The following C3orf20 variants were observed in gnomAD, a reference collection of about 807,000 sequenced individuals.
C3orf20 encodes the protein family with sequence similarity 149 member C, also known as uncharacterized protein C3orf20.
A neutral mutation model predicts 88.3 loss-of-function variants in C3orf20; 76 were observed. The observed-to-expected ratio is 0.86, with a 90% CI of 0.72 to 1.04. The LOEUF (loss-of-function observed/expected upper bound fraction) is 1.04. Among genes scored for constraint, C3orf20 ranks in the 50% least tolerant of loss-of-function variants. The pLI is 0.00. For synonymous variants in C3orf20, 436 were observed against 437.4 expected (o/e 1.00, Z 0.04); for missense variants, 1,056 against 1,123.3 (o/e 0.94, Z 0.86).
chr3:14,694,696 C>T (rs1457771632), intron 5 of C3orf20, among the ~76,000 whole-genome samples: 1 of 151,968 alleles, frequency 6.6e-6, no homozygotes, highest in Non-Finnish European at 1.5e-5. Context: ...TATTTCTGCT[C>T]TTATCCTTAT....
At chr3:14,755,862 T>G (rs2035347343) in intron 12 of C3orf20, among the ~76,000 whole-genome samples, 1 of 151,806 alleles carries the variant, frequency 6.6e-6, no homozygotes, top group Non-Finnish European at 1.5e-5. Flanking sequence ...ACCCCGTCTC[T>G]ACTAAAAATA....
At chr3:14,686,103 G>A (rs533562802) in intron 4 of C3orf20, among the ~76,000 whole-genome samples, 5 of 152,138 alleles carry the variant, frequency 3.3e-5, no homozygotes, top group East Asian at 1.9e-4. Flanking sequence ...CTTGTGATCC[G>A]TCTGCCTTGG....
intron 3 of C3orf20, among the ~76,000 whole-genome samples, chr3:14,683,721 CA>C (rs1490809130): frequency 6.6e-6 from 1 of 151,832 alleles, no homozygotes; most frequent in Non-Finnish European, 1.5e-5. Context: ...ACTAAAAATA[CA>C]AAAATTAGCC....
rs368283229 is a variant in C3orf20, at chr3:14,683,086, C to T, written c.373C>T (p.Arg125Cys). The change falls in exon 3 of 17, where the codon CGT becomes TGT. Residue 125 changes from arginine to cysteine, a missense_variant. Coordinates refer to ENST00000253697, the MANE Select transcript of C3orf20 (RefSeq NM_032137.5). ...KRSTLSPTMA[R>C]QVRTHQETLN... Reference sequence around the variant, plus strand: ...CTCCACCCTCTCTCCCACCATGGCCCGTCAGGTGCGCACCCACCAGGAGAC... The same window carrying T: ...CTCCACCCTCTCTCCCACCATGGCCTGTCAGGTGCGCACCCACCAGGAGAC... 2.9e-5 allele frequency: 46 copies of T among 1,613,122 alleles called. No individual in the cohort carries two copies. The highest frequency in any genetic ancestry group is 1.7e-4 in the Middle Eastern group (1 of 6,060).
chr3:14,711,097 A>G (rs530374786), intron 7 of C3orf20, among the ~76,000 whole-genome samples: 1 of 152,194 alleles, frequency 6.6e-6, no homozygotes, highest in African/African-American at 2.4e-5. Context: ...GGGTTTCACC[A>G]TGTTGGCCAG....
At chr3:14,734,224 T>C (rs528462936) in intron 12 of C3orf20, among the ~76,000 whole-genome samples, 1 of 152,300 alleles carries the variant, frequency 6.6e-6, no homozygotes, top group South Asian at 2.1e-4. Context: ...TCTTTATTGT[T>C]TCCTTCTGTC....
intron 8 of C3orf20, 106 bp from the exon 9 acceptor site, chr3:14,715,183 T>G: frequency 7.0e-7 from 1 of 1,424,060 alleles, no homozygotes; most frequent in Non-Finnish European, 9.4e-7. Context: ...CCACCACTCC[T>G]CCAGCCTGGG....
At chr3:14,746,710 A>G (rs1217101631) in intron 12 of C3orf20, among the ~76,000 whole-genome samples, 3 of 152,218 alleles carry the variant, frequency 2.0e-5, no homozygotes, top group Admixed American at 1.3e-4. Flanking sequence ...CAAAGAGGCC[A>G]TAAGGAAGGA....
chr3:14,713,258 C>T (rs1244719960), intron 7 of C3orf20, among the ~76,000 whole-genome samples: 1 of 152,300 alleles, frequency 6.6e-6, no homozygotes, highest in African/African-American at 2.4e-5. Flanking sequence ...CCTAATTTCT[C>T]TTGTCTCTCC....
At chr3:14,699,179 A>G (rs1383557404) in intron 5 of C3orf20, among the ~76,000 whole-genome samples, 1 of 152,158 alleles carries the variant, frequency 6.6e-6, no homozygotes, top group African/African-American at 2.4e-5. Context: ...GGACAGGTAT[A>G]GAAATGCCAT....
chr3:14,757,782 G>A (rs938705062), intron 13 of C3orf20, 108 bp downstream of exon 13: 4 of 1,023,852 alleles, frequency 3.9e-6, no homozygotes, highest in Non-Finnish European at 5.6e-6. Context: ...TGCCTGAGGG[G>A]CCACCCTCCT....
chr3:14,761,397 A>G (rs569826229), intron 14 of C3orf20, 76 bp from the exon 15 acceptor site: 2 of 1,568,824 alleles, frequency 1.3e-6, no homozygotes, highest in Non-Finnish European at 1.8e-6. Context: ...TGAAATTCCA[A>G]ACTTGCCTGT....
rs778375589 is a variant in C3orf20, at chr3:14,703,181, T to G, written c.797T>G (p.Val266Gly). 6.2e-7 allele frequency: 1 copy of G among 1,613,900 alleles called. No homozygotes were observed. The highest frequency in any genetic ancestry group is 8.5e-7 in the Non-Finnish European group (1 of 1,180,008). ...AGCATGCCGCCCCTGCATCGAGGAG[T>G]GGGAACCCCTGCCAACAGCCTGGAG... Reference protein sequence around the residue: ...DVSMPPLHRGVGTPANSLEFS... With the variant: ...DVSMPPLHRGGGTPANSLEFS... Residue 266 changes from valine (V) to glycine (G), a missense_variant, in exon 6 of 17, where the codon GTG (valine) becomes GGG (glycine). By Grantham distance (109) the Val-to-Gly change is moderately radical. Transcript: ENST00000253697.
intron 12 of C3orf20, among the ~76,000 whole-genome samples, chr3:14,740,464 T>TATA (rs1190007549): frequency 1.3e-5 from 2 of 152,112 alleles, no homozygotes; most frequent in African/African-American, 4.8e-5. Context: ...CCATAAGAGA[T>TATA]ATAATAATAA....
intron 12 of C3orf20, among the ~76,000 whole-genome samples, chr3:14,752,111 A>G (rs2035236483): frequency 2.0e-5 from 3 of 152,250 alleles, no homozygotes; most frequent in Admixed American, 1.3e-4. Flanking sequence ...CCAAAACAGC[A>G]TGGTACTGGT....
At chr3:14,675,936 T>C (rs6793578) in intron 1 of C3orf20, among the ~76,000 whole-genome samples, 123,801 of 151,628 alleles carry the variant, frequency 0.82, 51,544 homozygotes, top group Non-Finnish European at 0.91. Flanking sequence ...AGATGATCTA[T>C]CTGCCTCATC....
intron 5 of C3orf20, among the ~76,000 whole-genome samples, chr3:14,698,358 A>T (rs1407045439): frequency 6.6e-6 from 1 of 152,190 alleles, no homozygotes; most frequent in Non-Finnish European, 1.5e-5. Flanking sequence ...GTGTCTGGGC[A>T]TTGAAGAGTT....
At chr3:14,705,548 G>A (rs1008116471) in intron 7 of C3orf20, among the ~76,000 whole-genome samples, 3 of 152,190 alleles carry the variant, frequency 2.0e-5, no homozygotes, top group African/African-American at 7.2e-5. Context: ...GTTTGAATTT[G>A]GGTGGTAAAA....
At chr3:14,726,226 C>A (rs1214536041) in intron 10 of C3orf20, among the ~76,000 whole-genome samples, 1 of 152,202 alleles carries the variant, frequency 6.6e-6, no homozygotes, top group East Asian at 1.9e-4. Flanking sequence ...CCGTGGGGAG[C>A]CCTGGAGTCA....
Sources: gnomAD v4.1 joint callset for allele counts (sites outside exome capture counted in the v4.1 genomes callset) on GRCh38, gnomAD v4.1.1 for gene constraint, MANE v1.5 for transcripts, NCBI Gene and HGNC (gene_info 2026-07-23, HGNC 2026-07-21) for gene names.